The following PKP4 variants were observed in gnomAD, a reference collection of about 807,000 sequenced individuals.
PKP4 encodes plakophilin-4.
PKP4 carries 90 observed loss-of-function variants against 145.1 expected under a neutral mutation model. That is an observed-to-expected ratio of 0.62 (90% confidence interval 0.52 to 0.74). The LOEUF (loss-of-function observed/expected upper bound fraction) is 0.74. Ranked by LOEUF, PKP4 falls within the 30% of genes least tolerant of loss-of-function variation. The pLI is 0.00. For synonymous variants in PKP4, 563 were observed against 577.2 expected, an observed-to-expected ratio of 0.98 and a Z score of 0.35; for missense variants, 1,340 against 1,482.7, an observed-to-expected ratio of 0.90 and a Z score of 1.58.
At chr2:158,541,199 A>G (rs2044497190) in intron 2 of PKP4, among the ~76,000 whole-genome samples, 2 of 152,150 alleles carry the variant, frequency 1.3e-5, no homozygotes, top group Admixed American at 6.5e-5. Flanking sequence ...AACATAGCCT[A>G]TCCAGTGCCT....
Position 158,661,247 on chromosome 2 carries a change from G to C in PKP4, c.2094-86G>C, listed in dbSNP as rs193257393. 5.2e-6 allele frequency: 5 copies of C among 955,170 alleles called. No homozygotes were observed. The Admixed American group carries it at 5.3e-5, about 10-fold the overall frequency. The allele number at this position is 955,170 out of a possible 1,614,324, so 59.2% of individuals were successfully genotyped here. ...TCTAAGTGGCTGCCACCTGTTGTTC[G>C]CTCTCTCAGATCCTTAAGGTTAAGT... On this transcript the variant is annotated intron_variant, in intron 12 of 21. Transcript: ENST00000389759.
intron 1 of PKP4, among the ~76,000 whole-genome samples, chr2:158,524,320 C>T (rs371278903): frequency 3.9e-5 from 2 of 50,946 alleles, no homozygotes; most frequent in Admixed American, 2.9e-4. Context: ...AGAGTGGGGG[C>T]CAATATTCAA....
chr2:158,625,596 T>C (rs994555548), intron 7 of PKP4, among the ~76,000 whole-genome samples, 169 bp downstream of exon 7: 3 of 152,242 alleles, frequency 2.0e-5, no homozygotes, highest in Non-Finnish European at 4.4e-5. Flanking sequence ...TAATTCTTAA[T>C]ACATGAAATT....
Position 158,613,921 on chromosome 2 carries a change from C to T in PKP4, c.281-7069C>T, listed in dbSNP as rs189610012. Among the ~76,000 whole-genome samples the T allele has an allele frequency of 5.2e-3, 793 of 152,254 alleles. 4 individuals carry two copies. Among genetic ancestry groups the T allele is most frequent in the Non-Finnish European group, 9.0e-3 (614 of 68,010 alleles). ...GGAACAACTTAAAAGTGTATTGCTG[C>T]AGTTTCCTCAGTTCATCAAAAACAT... On this transcript the variant is annotated intron_variant, in intron 4 of 21. Coordinates refer to ENST00000389759, the MANE Select transcript of PKP4 (RefSeq NM_003628.6).
chr2:158,501,648 A>G (rs1363148030), intron 1 of PKP4, among the ~76,000 whole-genome samples: 4 of 152,200 alleles, frequency 2.6e-5, no homozygotes, highest in African/African-American at 9.6e-5. Context: ...CTGCCATGCC[A>G]TCTGATGTTA....
At chr2:158,648,183 T>C (rs1012047808) in intron 11 of PKP4, among the ~76,000 whole-genome samples, 1 of 152,202 alleles carries the variant, frequency 6.6e-6, no homozygotes, top group South Asian at 2.1e-4. Context: ...TCTTCCAATT[T>C]AGTAAGTGAT....
At chr2:158,530,341 C>A (rs900785454) in intron 1 of PKP4, among the ~76,000 whole-genome samples, 1 of 152,052 alleles carries the variant, frequency 6.6e-6, no homozygotes, top group Non-Finnish European at 1.5e-5. Context: ...TTCTGGCATG[C>A]CTTCATTCTC....
At chr2:158,627,989 TA>T (rs1161587565) in intron 7 of PKP4, among the ~76,000 whole-genome samples, 3 of 151,490 alleles carry the variant, frequency 2.0e-5, no homozygotes, top group African/African-American at 7.3e-5. Context: ...TTTATTTTTT[TA>T]TTTTTTTTTG....
intron 2 of PKP4, among the ~76,000 whole-genome samples, chr2:158,570,939 T>C (rs1394072723): frequency 6.6e-6 from 1 of 151,988 alleles, no homozygotes; most frequent in African/African-American, 2.4e-5. Flanking sequence ...TAGACTAAAA[T>C]GAAACATAGA....
chr2:158,656,244 C>G (rs2055904000), intron 11 of PKP4, among the ~76,000 whole-genome samples: 1 of 152,148 alleles, frequency 6.6e-6, no homozygotes. Flanking sequence ...CAGTTTAAAA[C>G]CATTGCCCAA....
At chr2:158,512,558 G>A (rs1434895878) in intron 1 of PKP4, among the ~76,000 whole-genome samples, 2 of 152,194 alleles carry the variant, frequency 1.3e-5, no homozygotes, top group South Asian at 4.1e-4. Context: ...CTGTCCCACT[G>A]TACACTTGTG....
chr2:158,458,353 G>C (rs748011153), intron 1 of PKP4: 4 of 152,464 alleles, frequency 2.6e-5, no homozygotes, highest in Non-Finnish European at 5.9e-5. Flanking sequence ...CCCTCCATGC[G>C]GCAGAGGGGA....
chr2:158,592,611 A>G (rs1227308153), intron 3 of PKP4, among the ~76,000 whole-genome samples: 2 of 152,122 alleles, frequency 1.3e-5, no homozygotes, highest in East Asian at 3.8e-4. Flanking sequence ...CTGTTTATAA[A>G]AATTAAAAAT....
At chr2:158,565,805 A>G (rs3771610) in intron 2 of PKP4, among the ~76,000 whole-genome samples, 70,508 of 152,028 alleles carry the variant, frequency 0.46, 17,333 homozygotes, top group South Asian at 0.67. Context: ...ATGGTTATCA[A>G]TAATACATTG....
chr2:158,595,023 T>C (rs1343228133), intron 3 of PKP4, among the ~76,000 whole-genome samples: 4 of 152,186 alleles, frequency 2.6e-5, no homozygotes, highest in Admixed American at 2.6e-4. Context: ...AAACTTGTTT[T>C]GGGAAGAATA....
At chr2:158,526,140 C>A (rs2042911799) in intron 1 of PKP4, among the ~76,000 whole-genome samples, 1 of 145,600 alleles carries the variant, frequency 6.9e-6, no homozygotes, top group Non-Finnish European at 1.5e-5. Context: ...TTTATGAGGC[C>A]AGCATCATTC....
intron 2 of PKP4, among the ~76,000 whole-genome samples, chr2:158,571,937 T>C (rs1462102157): frequency 6.6e-6 from 1 of 152,174 alleles, no homozygotes; most frequent in Non-Finnish European, 1.5e-5. Flanking sequence ...AGAAGGAAGA[T>C]GGTATCCTTG....
At chr2:158,491,550 T>C (rs754647481) in intron 1 of PKP4, among the ~76,000 whole-genome samples, 2 of 152,048 alleles carry the variant, frequency 1.3e-5, no homozygotes, top group African/African-American at 2.4e-5. Flanking sequence ...CTACTGGGGG[T>C]TCTAATCTTA....
intron 2 of PKP4, among the ~76,000 whole-genome samples, chr2:158,573,007 T>C (rs1239781397): frequency 6.6e-6 from 1 of 152,202 alleles, no homozygotes; most frequent in East Asian, 1.9e-4. Flanking sequence ...CACTTCTAGG[T>C]CTCTTTGCTC....
Sources: allele counts gnomAD v4.1 joint callset (sites outside exome capture counted in the v4.1 genomes callset), GRCh38; gene constraint gnomAD v4.1.1; transcripts MANE v1.5; gene names NCBI Gene and HGNC (gene_info 2026-07-23, HGNC 2026-07-21).